TGIF1: variants seen among roughly 807,000 people sequenced by gnomAD.
The protein encoded by TGIF1 is TGFB induced factor homeobox 1, also known as homeobox protein TGIF1.
In TGIF1, 4 loss-of-function variants were observed where a neutral mutation model predicts 19.3. The ratio of observed to expected loss-of-function variants is 0.21; its 90% CI spans 0.10 to 0.47. TGIF1 has a LOEUF of 0.47. Ranked by LOEUF, TGIF1 falls within the 20% of genes least tolerant of loss-of-function variation. The pLI is 0.98. For synonymous variants in TGIF1, 122 were observed against 129.3 expected (o/e 0.94, Z 0.38); for missense variants, 275 against 341.4 (o/e 0.81, Z 1.53).
chr18:3,452,445 C>G, intron 1 of TGIF1: 1 of 1,607,980 alleles, frequency 6.2e-7, no homozygotes, highest in Non-Finnish European at 8.5e-7. Context: ...CCGAGGCTGC[C>G]GAGGTTACCC....
Position 3,450,260 on chromosome 18 carries a change from C to T in TGIF1, c.-230C>T. ...AGAGAGTTGGGCGAGGGAGAGCCCCCGGCCGGCTGCCAGAAGATCCCGGCG... is the reference window on the plus strand; with the variant it reads ...AGAGAGTTGGGCGAGGGAGAGCCCCTGGCCGGCTGCCAGAAGATCCCGGCG... On this transcript the variant is annotated 5_prime_UTR_variant, in exon 1 of 3. Transcript: ENST00000343820. The T allele has an allele frequency of 2.1e-6, 3 of 1,430,626 alleles. No homozygotes were observed. Among genetic ancestry groups the T allele is most frequent in the Admixed American group, 2.9e-5 (1 of 34,902 alleles). The allele number at this position is 1,430,626 out of a possible 1,614,324, so 88.6% of individuals were successfully genotyped here.
upstream of TGIF1, chr18:3,449,610 G>A (rs1417964873): frequency 5.1e-6 from 5 of 984,498 alleles, no homozygotes; most frequent in Non-Finnish European, 6.0e-6. Context: ...AGAAGGGTGC[G>A]CCGCGCCGCG....
intron 1 of TGIF1, among the ~76,000 whole-genome samples, chr18:3,416,862 C>T (rs113323293): frequency 6.6e-6 from 1 of 151,904 alleles, no homozygotes; most frequent in Non-Finnish European, 1.5e-5. Context: ...ACCCAGGAAG[C>T]GGACGCTACA....
At chr18:3,438,836 T>G (rs1245289245) in intron 2 of TGIF1, among the ~76,000 whole-genome samples, 3 of 152,138 alleles carry the variant, frequency 2.0e-5, no homozygotes, top group Admixed American at 1.3e-4. Context: ...AAGAGAAGTT[T>G]TCCTTCTGTG....
At chr18:3,433,051 G>C (rs549132713) in intron 2 of TGIF1, among the ~76,000 whole-genome samples, 44 of 151,436 alleles carry the variant, frequency 2.9e-4, no homozygotes, top group Admixed American at 4.6e-4. Flanking sequence ...GAGCCACTGC[G>C]CCTGGCCTTC....
intron 2 of TGIF1, among the ~76,000 whole-genome samples, chr18:3,438,008 C>T (rs1007432294): frequency 4.1e-4 from 63 of 151,862 alleles, no homozygotes; most frequent in African/African-American, 1.4e-3. Context: ...CGCTTGAACC[C>T]GGGAGGCAGA....
chr18:3,448,074 G>C (rs190957023), upstream of TGIF1: 4,154 of 953,522 alleles, frequency 4.4e-3, 19 homozygotes, highest in East Asian at 0.017. Context: ...TAAAGCGGGC[G>C]GGGGGGGAGG....
intron 2 of TGIF1, among the ~76,000 whole-genome samples, chr18:3,427,370 CA>C (rs1409888569): frequency 1.3e-5 from 2 of 151,972 alleles, no homozygotes; most frequent in Non-Finnish European, 2.9e-5. Context: ...CGGGACACTG[CA>C]ACCTCCACCC....
At chr18:3,418,064 G>T (rs925669123) in intron 1 of TGIF1, 2 of 152,044 alleles carry the variant, frequency 1.3e-5, no homozygotes, top group African/African-American at 4.8e-5. Flanking sequence ...TTGTCTATCG[G>T]TGAAGGGCCC....
chr18:3,419,079 TA>T (rs1932553552), intron 2 of TGIF1, among the ~76,000 whole-genome samples: 1 of 151,762 alleles, frequency 6.6e-6, no homozygotes. Context: ...TAAAAATAAA[TA>T]AAAATGTACA....
chr18:3,444,763 A>C (rs993197337), intron 2 of TGIF1, among the ~76,000 whole-genome samples: 1 of 152,250 alleles, frequency 6.6e-6, no homozygotes, highest in Non-Finnish European at 1.5e-5. Context: ...AAACAAAACA[A>C]ATTTAAAAAA....
At chr18:3,452,063 T>C (rs1244088203) in intron 1 of TGIF1, 1 of 1,613,766 alleles carries the variant, frequency 6.2e-7, no homozygotes, top group Non-Finnish European at 8.5e-7. Context: ...CTGATTCCTT[T>C]CCATGGCCCG....
chr18:3,431,670 T>A (rs1010042084), intron 2 of TGIF1, among the ~76,000 whole-genome samples: 1 of 152,048 alleles, frequency 6.6e-6, no homozygotes, highest in African/African-American at 2.4e-5. Context: ...GTTTGAGGAA[T>A]AGGACATCTA....
At chr18:3,435,199 A>T (rs3862164) in intron 2 of TGIF1, among the ~76,000 whole-genome samples, 105,995 of 150,362 alleles carry the variant, frequency 0.7, 37,440 homozygotes, top group East Asian at 0.91. Context: ...CCCTATATAT[A>T]TTTTTTTTTT....
chr18:3,420,358 G>A (rs1215758738), intron 2 of TGIF1, among the ~76,000 whole-genome samples: 5 of 151,814 alleles, frequency 3.3e-5, no homozygotes, highest in Non-Finnish European at 5.9e-5. Context: ...ACTCCAGCCT[G>A]GGCAACAGAG....
At chr18:3,428,440 T>A (rs1462001340) in intron 2 of TGIF1, among the ~76,000 whole-genome samples, 4 of 152,102 alleles carry the variant, frequency 2.6e-5, no homozygotes, top group Non-Finnish European at 4.4e-5. Flanking sequence ...TTTTTATTTT[T>A]AAAAATTATT....
chr18:3,423,672 G>A (rs941479898), intron 2 of TGIF1, among the ~76,000 whole-genome samples: 1 of 151,614 alleles, frequency 6.6e-6, no homozygotes, highest in South Asian at 2.1e-4. Flanking sequence ...AACAGAGCGA[G>A]ACTCCCATCT....
At chr18:3,449,227 G>C (rs1324903287), upstream of TGIF1, among the ~76,000 whole-genome samples, 1 of 152,140 alleles carries the variant, frequency 6.6e-6, no homozygotes, top group Non-Finnish European at 1.5e-5. Context: ...ATGGGAGGAG[G>C]GATCCCCTAG....
chr18:3,437,921 T>C (rs746052948), intron 2 of TGIF1, among the ~76,000 whole-genome samples: 1 of 152,062 alleles, frequency 6.6e-6, no homozygotes, highest in Non-Finnish European at 1.5e-5. Flanking sequence ...CCATCTCTAC[T>C]AAAAATACAA....
Sources: gnomAD v4.1 joint callset for allele counts (sites outside exome capture counted in the v4.1 genomes callset) on GRCh38, gnomAD v4.1.1 for gene constraint, MANE v1.5 for transcripts, NCBI Gene and HGNC (gene_info 2026-07-23, HGNC 2026-07-21) for gene names.